Variants in TBC1D16 observed in about 807,000 individuals in gnomAD.
TBC1D16 encodes the protein CTD-2529O21.1.
A neutral mutation model predicts 74.7 loss-of-function variants in TBC1D16; 58 were observed. That is an observed-to-expected ratio of 0.78 (90% CI 0.63 to 0.97). TBC1D16 has a LOEUF of 0.97. Ranked by LOEUF, TBC1D16 falls within the 50% of genes least tolerant of loss-of-function variation. The pLI, the probability that TBC1D16 is intolerant of heterozygous loss-of-function variation, is 0.00. For missense variants in TBC1D16, 1,014 were observed against 1,079.5 expected, an observed-to-expected ratio of 0.94 and a Z score of 0.85; for synonymous variants, 493 against 474.7, an observed-to-expected ratio of 1.04 and a Z score of -0.50.
At chr17:80,002,329 G>A (rs980604695) in intron 3 of TBC1D16, among the ~76,000 whole-genome samples, 2 of 152,238 alleles carry the variant, frequency 1.3e-5, no homozygotes, top group Admixed American at 1.3e-4. Context: ...CTGATACTCG[G>A]TCGACAAGGA....
At chr17:80,026,547 T>C (rs2036588460) in intron 1 of TBC1D16, among the ~76,000 whole-genome samples, 2 of 148,428 alleles carry the variant, frequency 1.3e-5, no homozygotes, top group Admixed American at 6.6e-5. Context: ...GAGGGTGGAG[T>C]TGTGTGGACC....
At position 79,935,642 on chromosome 17, in the gene TBC1D16, A is replaced by C. The variant is rs2031541155; in HGVS notation, c.*5217T>G. The C allele has an allele frequency of 6.6e-6, 1 of 152,280 alleles. No individual in the cohort carries two copies. Among genetic ancestry groups the C allele is most frequent in the South Asian group, 2.1e-4 (1 of 4,832 alleles). 9.4% of individuals were successfully genotyped at this position (152,280 alleles called of 1,614,324 possible). A position where few individuals can be genotyped will look rare whatever the true frequency, so the allele number is the denominator to read the frequency against. On this transcript the variant is annotated 3_prime_UTR_variant, in exon 12 of 12. Coordinates refer to ENST00000310924, the MANE Select transcript of TBC1D16 (RefSeq NM_019020.4). The stretch of plus-strand genomic sequence containing the variant: ...TACAGCGTGCATCTGTTGTCAGTAC[A>C]GTTTTATTTGCTGTGGAATCCATGA...
chr17:79,952,844 C>A, intron 3 of TBC1D16, 26 bp from the exon 4 acceptor site: 1 of 1,583,194 alleles, frequency 6.3e-7, no homozygotes, highest in Non-Finnish European at 8.6e-7. Context: ...ATGTGATGAT[C>A]GCCACACTTC....
At chr17:80,002,862 C>T (rs1181548385) in intron 3 of TBC1D16, among the ~76,000 whole-genome samples, 1 of 152,256 alleles carries the variant, frequency 6.6e-6, no homozygotes, top group Non-Finnish European at 1.5e-5. Context: ...GGCGCTGGCC[C>T]AGGCACTGGG....
chr17:79,944,784 G>C lies in TBC1D16; in HGVS notation c.1908+124C>G. On this transcript the variant is annotated intron_variant, in intron 10 of 11. Transcript: ENST00000310924. This position sits in a 1 kb window ranked among gnomAD's most constrained non-coding sequence, Gnocchi z 7.7. ...TGGGACGGGAAGGCAGTCGCCGTAT[G>C]GGGGGCTAATGTGTGGCTGTGGGTG... 1.1e-6 allele frequency: 1 copy of C among 882,606 alleles called. No homozygotes were observed. Among genetic ancestry groups the C allele is most frequent in the Non-Finnish European group, 1.7e-6 (1 of 596,644 alleles). The allele number at this position is 882,606 out of a possible 1,614,324, so 54.7% of individuals were successfully genotyped here. A position where few individuals can be genotyped will look rare whatever the true frequency, so the allele number is the denominator to read the frequency against.
At chr17:79,970,365 C>T (rs2034032709) in intron 3 of TBC1D16, among the ~76,000 whole-genome samples, 1 of 152,124 alleles carries the variant, frequency 6.6e-6, no homozygotes, top group Non-Finnish European at 1.5e-5. Flanking sequence ...GATTACACAG[C>T]TTCATGAATG....
chr17:79,972,587 C>A (rs2034158969), intron 3 of TBC1D16, among the ~76,000 whole-genome samples: 1 of 152,194 alleles, frequency 6.6e-6, no homozygotes, highest in Non-Finnish European at 1.5e-5. Context: ...GATTCCACTC[C>A]TATCAGGTCC....
At chr17:79,976,231 C>T (rs1178980835) in intron 3 of TBC1D16, among the ~76,000 whole-genome samples, 5 of 152,248 alleles carry the variant, frequency 3.3e-5, no homozygotes, top group Non-Finnish European at 7.3e-5. Context: ...GAGACTGAGG[C>T]TCAGAGAGGT....
chr17:80,002,152 C>T (rs577478913), intron 3 of TBC1D16, among the ~76,000 whole-genome samples: 15 of 152,298 alleles, frequency 9.8e-5, no homozygotes, highest in Admixed American at 9.1e-4. Flanking sequence ...TGCAAGGATG[C>T]TTCCCAGCAC....
In TBC1D16 at chr17:79,937,199, G is replaced by A. The variant is rs781529116; in HGVS notation, c.*3660C>T. The A allele has an allele frequency of 6.6e-6, 1 of 152,244 alleles. No homozygotes were observed. The highest frequency in any genetic ancestry group is 1.5e-5 in the Non-Finnish European group (1 of 68,116). 9.4% of individuals were successfully genotyped at this position (152,244 alleles called of 1,614,324 possible). A position where few individuals can be genotyped will look rare whatever the true frequency, so the allele number is the denominator to read the frequency against. On this transcript the variant is annotated 3_prime_UTR_variant, in exon 12 of 12. Transcript: ENST00000310924. Reference sequence around the variant, plus strand: ...CTTGGGCAGATTCCCATCATCTAGGGGCTGTGCCCCACATCTATTTCTGCC... The same window carrying A: ...CTTGGGCAGATTCCCATCATCTAGGAGCTGTGCCCCACATCTATTTCTGCC...
chr17:79,988,579 T>A lies in TBC1D16; in HGVS notation c.779+21581A>T, dbSNP rs972609321. Among the ~76,000 whole-genome samples, 4 of 152,220 alleles carry A rather than the reference T, an allele frequency of 2.6e-5. No homozygotes were observed. The highest frequency in any genetic ancestry group is 9.6e-5 in the African/African-American group (4 of 41,460). Reference sequence around the variant, plus strand: ...AAGCCAGGGTCCTGGTGAACGCACGTGCCTGCGTTCTGTACCAAACAGTTG... The same window carrying A: ...AAGCCAGGGTCCTGGTGAACGCACGAGCCTGCGTTCTGTACCAAACAGTTG... On this transcript the variant is annotated intron_variant, in intron 3 of 11. Coordinates refer to ENST00000310924, the MANE Select transcript of TBC1D16 (RefSeq NM_019020.4). This position sits in a 1 kb window ranked among gnomAD's most constrained non-coding sequence, Gnocchi z 5.7.
chr17:80,034,775 A>G (rs1018434128), intron 1 of TBC1D16, among the ~76,000 whole-genome samples: 2 of 152,346 alleles, frequency 1.3e-5, no homozygotes, highest in Admixed American at 1.3e-4. Context: ...AAGTGTTCTG[A>G]TCAATCAGTA....
intron 9 of TBC1D16, among the ~76,000 whole-genome samples, chr17:79,945,309 G>A (rs924096421): frequency 6.6e-5 from 10 of 152,204 alleles, no homozygotes; most frequent in South Asian, 2.1e-4. Flanking sequence ...TGACTGTTCC[G>A]GAGGCTGTGG....
rs1568585694 is a variant in TBC1D16 at position 79,954,413 on chromosome 17, C to A, written c.780-1595G>T. ...GCCTGGTGAGTGGCAGGTGGCCTTTCTTCCCCACCTGCCTAAGGAAGTCAG... is the reference window on the plus strand; with the variant it reads ...GCCTGGTGAGTGGCAGGTGGCCTTTATTCCCCACCTGCCTAAGGAAGTCAG... On this transcript the variant is annotated intron_variant, in intron 3 of 11. Coordinates refer to ENST00000310924, the MANE Select transcript of TBC1D16 (RefSeq NM_019020.4). The surrounding 1 kb of genome is among the most constrained non-coding windows in gnomAD (Gnocchi z 5.5). 3.9e-5 allele frequency among the ~76,000 whole-genome samples: 6 copies of A among 152,216 alleles called. No individual in the cohort carries two copies.
In TBC1D16 at chr17:80,010,515, G is replaced by C. The variant is rs1420754652; in HGVS notation, c.424C>G (p.Leu142Val). The C allele has an allele frequency of 6.2e-7, 1 of 1,611,232 alleles. No homozygotes were observed. Reference sequence around the variant, plus strand: ...TCTGGAACACTCTGGGCCACCACCAGGATGTCCTCATCTTTGGGGGTCAGG... The same window carrying C: ...TCTGGAACACTCTGGGCCACCACCACGATGTCCTCATCTTTGGGGGTCAGG... ...PTLTPKDEDI[L>V]VVAQSVPDRM... Residue 142 changes from leucine (L) to valine (V), a missense_variant, in exon 3 of 12, where the codon CTG becomes GTG. Coordinates refer to ENST00000310924, the MANE Select transcript of TBC1D16 (RefSeq NM_019020.4). This position sits in a 1 kb window ranked among gnomAD's most constrained non-coding sequence, Gnocchi z 8.8.
intron 2 of TBC1D16, among the ~76,000 whole-genome samples, 177 bp downstream of exon 2, chr17:80,013,190 T>C (rs1036121988): frequency 1.3e-5 from 2 of 152,230 alleles, no homozygotes; most frequent in Non-Finnish European, 2.9e-5. Flanking sequence ...CAGCCTGCCA[T>C]GAGCCAGACT....
chr17:80,021,344 A>G (rs9989443), intron 1 of TBC1D16, among the ~76,000 whole-genome samples: 134,512 of 148,686 alleles, frequency 0.9, 61,267 homozygotes, highest in Admixed American at 0.94. Flanking sequence ...TGTGCCTGTA[A>G]TCCCAGCTAC....
chr17:80,013,355 G>GC lies in TBC1D16; in HGVS notation c.181+11dup. ...GCTGTGCGACCCTGGAGCCTCGCCT[G>GC]CCCTGGCTCACCTGGGTGGTGCTCC... On this transcript the variant is annotated intron_variant, in intron 2 of 11. Transcript: ENST00000310924. The GC allele has an allele frequency of 6.3e-7, 1 of 1,594,872 alleles. No homozygotes were observed. Among genetic ancestry groups the GC allele is most frequent in the Non-Finnish European group, 8.5e-7 (1 of 1,171,260 alleles).
chr17:79,951,556 C>T lies in TBC1D16; in HGVS notation c.983G>A (p.Arg328Gln), dbSNP rs777460804. Residue 328 changes from arginine (R) to glutamine (Q), a missense_variant, in exon 5 of 12, where the codon CGA (arginine) becomes CAA (glutamine). Coordinates refer to ENST00000310924, the MANE Select transcript of TBC1D16 (RefSeq NM_019020.4). The stretch of plus-strand genomic sequence containing the variant: ...GTGGAAAACCTTGTACTGGCTCTCT[C>T]GGCTGGCAACGACCAGCTGGCCGCT... Reference protein sequence around the residue: ...CTSGQLVVASRESQYKVFHFH... With the variant: ...CTSGQLVVASQESQYKVFHFH... The T allele has an allele frequency of 1.5e-5, 25 of 1,613,804 alleles. No homozygotes were observed. Among genetic ancestry groups the T allele is most frequent in the African/African-American group, 2.7e-5 (2 of 74,906 alleles).
Sources: gnomAD v4.1 joint callset for allele counts (sites outside exome capture counted in the v4.1 genomes callset) on GRCh38, gnomAD v4.1.1 for gene constraint, Gnocchi (gnomAD v3.1) non-coding constraint, MANE v1.5 for transcripts, NCBI Gene and HGNC (gene_info 2026-07-23, HGNC 2026-07-21) for gene names.